CTNNA2: variants seen among roughly 807,000 people sequenced by gnomAD.
CTNNA2 encodes the protein catenin alpha-2.
CTNNA2 carries 42 observed loss-of-function variants against 101.0 expected under a neutral mutation model. The ratio of observed to expected loss-of-function variants is 0.42; its 90% CI spans 0.32 to 0.54. The LOEUF is 0.54. CTNNA2 is among the 20% of genes least tolerant of loss of function. The probability of loss-of-function intolerance (pLI) is 0.14; values close to 1 mark genes in which losing one functional copy is unlikely to be tolerated. For missense variants in CTNNA2, 871 were observed against 1,223.1 expected, an observed-to-expected ratio of 0.71 and a Z score of 4.29; for synonymous variants, 450 against 456.4, an observed-to-expected ratio of 0.99 and a Z score of 0.18.
chr2:79,537,990 T>C (rs1289551521), intron 1 of CTNNA2, among the ~76,000 whole-genome samples: 1 of 152,140 alleles, frequency 6.6e-6, no homozygotes, highest in East Asian at 1.9e-4. Context: ...ATTCTACTTT[T>C]GGAAGGAAAA....
At chr2:80,341,086 G>A (rs1292938302) in intron 7 of CTNNA2, among the ~76,000 whole-genome samples, 1 of 152,120 alleles carries the variant, frequency 6.6e-6, no homozygotes, top group Non-Finnish European at 1.5e-5. Context: ...TGGAGTTGGG[G>A]TGCACCTCCC....
chr2:79,486,805 T>G (rs183006311), intron 4 of CTNNA2, among the ~76,000 whole-genome samples: 248 of 152,336 alleles, frequency 1.6e-3, no homozygotes, highest in Non-Finnish European at 2.6e-3. Context: ...TGGTTTTGAT[T>G]TGCATTTATT....
intron 2 of CTNNA2, among the ~76,000 whole-genome samples, chr2:79,305,224 A>G (rs1676206060): frequency 6.6e-6 from 1 of 151,492 alleles, no homozygotes; most frequent in Non-Finnish European, 1.5e-5. Context: ...ACACACAAAT[A>G]TATATATACA....
At chr2:80,251,444 T>C (rs549186752) in intron 7 of CTNNA2, among the ~76,000 whole-genome samples, 54 of 152,108 alleles carry the variant, frequency 3.6e-4, no homozygotes, top group African/African-American at 1.2e-3. Flanking sequence ...GTTTGAAAAA[T>C]GGAAATCCAT....
intron 7 of CTNNA2, among the ~76,000 whole-genome samples, chr2:80,372,041 A>G (rs1675490687): frequency 6.6e-6 from 1 of 152,138 alleles, no homozygotes; most frequent in Non-Finnish European, 1.5e-5. Flanking sequence ...CACTTTATAG[A>G]GTGAAAGGAG....
chr2:80,591,500 G>A (rs1224910496), intron 15 of CTNNA2, among the ~76,000 whole-genome samples: 1 of 116,038 alleles, frequency 8.6e-6, no homozygotes. Flanking sequence ...GCTGACTAGT[G>A]CCTTTCTTTG....
At chr2:80,075,041 C>T (rs1435994902) in intron 7 of CTNNA2, among the ~76,000 whole-genome samples, 16 of 152,120 alleles carry the variant, frequency 1.1e-4, no homozygotes, top group Non-Finnish European at 1.5e-5. Flanking sequence ...CCTTCCCTTA[C>T]TGTTTTTTTT....
intron 7 of CTNNA2, among the ~76,000 whole-genome samples, chr2:80,385,669 TC>T (rs1676930268): frequency 6.6e-6 from 1 of 152,134 alleles, no homozygotes; most frequent in South Asian, 2.1e-4. Flanking sequence ...CAATTCTTCA[TC>T]CCTTTCTTGC....
chr2:79,670,004 G>A lies in CTNNA2; in HGVS notation c.102+18346G>A, dbSNP rs62140121. On this transcript the variant is annotated intron_variant, in intron 2 of 18. Transcript: ENST00000402739. ...ACTCCAAGATCAGAGCAGACGCTGG[G>A]AGGAGAGAGGCCAGGCTGTGGGAGC... is the stretch of plus-strand genomic sequence containing the variant. Among the ~76,000 whole-genome samples the A allele has an allele frequency of 2.2e-3, 332 of 152,314 alleles. 2 individuals carry two copies. The highest frequency in any genetic ancestry group is 3.4e-3 in the Middle Eastern group (1 of 294).
intron 7 of CTNNA2, among the ~76,000 whole-genome samples, chr2:80,177,688 T>C (rs1022654519): frequency 2.0e-5 from 3 of 152,216 alleles, no homozygotes; most frequent in African/African-American, 7.2e-5. Flanking sequence ...TGGTCACCCT[T>C]TGGTGAACAC....
At chr2:80,449,978 A>T (rs1683368709) in intron 9 of CTNNA2, among the ~76,000 whole-genome samples, 1 of 152,180 alleles carries the variant, frequency 6.6e-6, no homozygotes, top group African/African-American at 2.4e-5. Flanking sequence ...TTTCCTGGAA[A>T]ATTTGAAGAA....
chr2:80,538,210 G>A (rs1691220200), intron 9 of CTNNA2, among the ~76,000 whole-genome samples: 1 of 152,142 alleles, frequency 6.6e-6, no homozygotes, highest in Non-Finnish European at 1.5e-5. Flanking sequence ...TTGTTGTGCA[G>A]AAGCTCTTTA....
chr2:79,664,631 A>T (rs550595786), intron 2 of CTNNA2, among the ~76,000 whole-genome samples: 1 of 152,180 alleles, frequency 6.6e-6, no homozygotes, highest in Non-Finnish European at 1.5e-5. Context: ...TTATACTAAA[A>T]TAAATTGTTA....
At chr2:80,024,758 AGT>A in intron 7 of CTNNA2, among the ~76,000 whole-genome samples, 1 of 152,206 alleles carries the variant, frequency 6.6e-6, no homozygotes, top group East Asian at 1.9e-4. Context: ...TGTTACAATC[AGT>A]GCTCCTTTAG....
chr2:79,765,233 G>A (rs1291936975), intron 3 of CTNNA2, among the ~76,000 whole-genome samples: 2 of 152,164 alleles, frequency 1.3e-5, no homozygotes, highest in Non-Finnish European at 2.9e-5. Context: ...TTTGTTGACC[G>A]TGGTTGAAAT....
chr2:80,597,691 C>A (rs1399879799), intron 15 of CTNNA2, among the ~76,000 whole-genome samples: 1 of 152,128 alleles, frequency 6.6e-6, no homozygotes, highest in African/African-American at 2.4e-5. Context: ...CAAAAGAAGA[C>A]ATTTATGTGG....
chr2:79,453,783 G>T (rs1670781888), intron 4 of CTNNA2, among the ~76,000 whole-genome samples: 1 of 152,082 alleles, frequency 6.6e-6, no homozygotes, highest in Non-Finnish European at 1.5e-5. Context: ...TAATTCATCA[G>T]ATTATTGGTG....
At chr2:80,567,446 G>T (rs1694158487) in intron 12 of CTNNA2, among the ~76,000 whole-genome samples, 1 of 152,076 alleles carries the variant, frequency 6.6e-6, no homozygotes, top group South Asian at 2.1e-4. Context: ...GGCACACCCC[G>T]TGCCTTATAG....
At chr2:80,051,697 C>T (rs1696887381) in intron 7 of CTNNA2, among the ~76,000 whole-genome samples, 1 of 151,744 alleles carries the variant, frequency 6.6e-6, no homozygotes, top group African/African-American at 2.4e-5. Flanking sequence ...AACTCTTTTT[C>T]CCCCCCACAG....
Sources: allele counts gnomAD v4.1 joint callset (sites outside exome capture counted in the v4.1 genomes callset), GRCh38; gene constraint gnomAD v4.1.1; transcripts MANE v1.5; gene names NCBI Gene and HGNC (gene_info 2026-07-23, HGNC 2026-07-21).